Variants in LYPLAL1 observed in about 807,000 individuals in gnomAD.
The protein encoded by LYPLAL1 is lysophospholipase like 1.
In LYPLAL1, 23 loss-of-function variants were observed where a neutral mutation model predicts 19.7. The observed-to-expected ratio is 1.17, with a 90% CI of 0.84 to 1.65. The LOEUF is 1.65. LYPLAL1 is among the 40% of genes most tolerant of loss of function. The pLI is 0.00. For missense variants in LYPLAL1, 355 were observed against 279.4 expected, an observed-to-expected ratio of 1.27 and a Z score of -1.93; for synonymous variants, 119 against 96.3, an observed-to-expected ratio of 1.24 and a Z score of -1.38.
the LYPLAL1 span, chr1:219,437,061 G>C: frequency 6.6e-6 from 1 of 152,222 alleles, no homozygotes; most frequent in Non-Finnish European, 1.5e-5. Context: ...CTTACCTCTA[G>C]TGTATACAGA....
At chr1:219,312,833 G>A in the LYPLAL1 span, among the ~76,000 whole-genome samples, 4 of 152,100 alleles carry the variant, frequency 2.6e-5, no homozygotes, top group African/African-American at 9.7e-5. Context: ...CTATTGGTGG[G>A]CCCTCCAGAG....
the LYPLAL1 span, among the ~76,000 whole-genome samples, chr1:219,404,136 G>T: frequency 6.6e-6 from 1 of 151,922 alleles, no homozygotes; most frequent in Non-Finnish European, 1.5e-5. Flanking sequence ...GAAATACCTC[G>T]TGTCTCTTTT....
At chr1:219,210,277 T>G (rs139311233) in intron 3 of LYPLAL1, 2 of 218,894 alleles carry the variant, frequency 9.1e-6, no homozygotes, top group Non-Finnish European at 1.8e-5. Context: ...GATATTTTAC[T>G]TGGTGAACAT....
the LYPLAL1 span, among the ~76,000 whole-genome samples, chr1:219,371,126 G>A: frequency 6.6e-6 from 1 of 152,114 alleles, no homozygotes; most frequent in Admixed American, 6.6e-5. Context: ...TTATTGGCAG[G>A]CAGATATTTG....
intron 2 of LYPLAL1, among the ~76,000 whole-genome samples, chr1:219,180,179 T>G (rs1244060395): frequency 6.6e-6 from 1 of 152,080 alleles, no homozygotes; most frequent in Non-Finnish European, 1.5e-5. Context: ...AAGACAAGGT[T>G]TTGCCATGTT....
At chr1:219,193,903 CTATT>C (rs1657399142) in intron 3 of LYPLAL1, among the ~76,000 whole-genome samples, 1 of 151,728 alleles carries the variant, frequency 6.6e-6, no homozygotes, top group Non-Finnish European at 1.5e-5. Context: ...CCAAATGTAA[CTATT>C]TAACTTACAA....
intron 2 of LYPLAL1, among the ~76,000 whole-genome samples, chr1:219,183,742 A>G (rs931085745): frequency 2.0e-5 from 3 of 151,934 alleles, no homozygotes; most frequent in African/African-American, 4.8e-5. Context: ...TTTGGGATTC[A>G]TCTATATGTG....
the LYPLAL1 span, among the ~76,000 whole-genome samples, chr1:219,400,980 C>A: frequency 2.0e-5 from 3 of 152,248 alleles, no homozygotes; most frequent in Admixed American, 2.0e-4. Flanking sequence ...TACCTTGTAT[C>A]TCAGTCTATA....
chr1:219,425,774 GTCA>G, the LYPLAL1 span, among the ~76,000 whole-genome samples: 4 of 152,190 alleles, frequency 2.6e-5, no homozygotes, highest in Middle Eastern at 3.4e-3. Flanking sequence ...TACCATTCTG[GTCA>G]TACCATACAA....
Position 219,193,267 on chromosome 1 carries a change from G to A in LYPLAL1, c.361+16G>A. On this transcript the variant is annotated intron_variant, in intron 3 of 4. Coordinates refer to ENST00000366928, the MANE Select transcript of LYPLAL1 (RefSeq NM_138794.5). ...ATATTAATAGGTAAGACCTTTAAAT[G>A]TTGGTAATTTATCACTGTTCACTTT... is the stretch of plus-strand genomic sequence containing the variant. 2 of 1,592,994 alleles carry A rather than the reference G, an allele frequency of 1.3e-6. No individual in the cohort carries two copies. Among genetic ancestry groups the A allele is most frequent in the East Asian group, 2.2e-5 (1 of 44,580 alleles).
chr1:219,341,283 A>G, the LYPLAL1 span, among the ~76,000 whole-genome samples: 1 of 152,096 alleles, frequency 6.6e-6, no homozygotes, highest in Non-Finnish European at 1.5e-5. Context: ...ATTTGAATAC[A>G]CATTCCCAGA....
the LYPLAL1 span, among the ~76,000 whole-genome samples, chr1:219,405,514 C>T: frequency 6.6e-6 from 1 of 152,130 alleles, no homozygotes; most frequent in African/African-American, 2.4e-5. Flanking sequence ...TACACACACA[C>T]GTATATATCT....
the LYPLAL1 span, among the ~76,000 whole-genome samples, chr1:219,383,842 T>C: frequency 6.6e-6 from 1 of 152,194 alleles, no homozygotes; most frequent in Non-Finnish European, 1.5e-5. Context: ...TTAGAATAGA[T>C]AGAGGCAGAC....
chr1:219,257,822 T>A, the LYPLAL1 span, among the ~76,000 whole-genome samples: 1 of 151,908 alleles, frequency 6.6e-6, no homozygotes, highest in Non-Finnish European at 1.5e-5. Flanking sequence ...TTCACCAGGG[T>A]GGGGTTTTTC....
the LYPLAL1 span, among the ~76,000 whole-genome samples, chr1:219,294,320 T>TA: frequency 6.6e-6 from 1 of 152,186 alleles, no homozygotes; most frequent in African/African-American, 2.4e-5. Context: ...ATGTTTAACA[T>TA]AAAATGTCAC....
chr1:219,444,223 A>G, the LYPLAL1 span, among the ~76,000 whole-genome samples: 1 of 152,212 alleles, frequency 6.6e-6, no homozygotes, highest in Non-Finnish European at 1.5e-5. Context: ...GCATTTGCAT[A>G]TTTACATCAA....
the LYPLAL1 span, among the ~76,000 whole-genome samples, chr1:219,241,130 C>CTATATATATATATATATA: frequency 1.4e-5 from 1 of 71,100 alleles, no homozygotes; most frequent in Non-Finnish European, 3.1e-5. Context: ...CTCTCTCTCT[C>CTATATATATATATATATA]TCTCTATATA....
the LYPLAL1 span, among the ~76,000 whole-genome samples, chr1:219,345,134 A>G: frequency 6.6e-6 from 1 of 152,224 alleles, no homozygotes; most frequent in Non-Finnish European, 1.5e-5. Context: ...TTATAGAACT[A>G]TAGGTTAGAG....
At chr1:219,365,654 G>A in the LYPLAL1 span, among the ~76,000 whole-genome samples, 18 of 152,070 alleles carry the variant, frequency 1.2e-4, no homozygotes, top group African/African-American at 4.1e-4. Flanking sequence ...TTTCTTGACA[G>A]TATTCCACAA....
Sources: gnomAD v4.1 joint callset for allele counts (sites outside exome capture counted in the v4.1 genomes callset) on GRCh38, gnomAD v4.1.1 for gene constraint, MANE v1.5 for transcripts, NCBI Gene and HGNC (gene_info 2026-07-23, HGNC 2026-07-21) for gene names.